Variants in CYP20A1 observed in about 807,000 individuals in gnomAD.
CYP20A1 encodes cytochrome P450 20A1.
A neutral mutation model predicts 61.4 loss-of-function variants in CYP20A1; 61 were observed. That is an observed-to-expected ratio of 0.99 (90% CI 0.81 to 1.23). The LOEUF is 1.23. CYP20A1 is among the 50% of genes most tolerant of loss of function. The pLI, the probability that CYP20A1 is intolerant of heterozygous loss-of-function variation, is 0.00. For missense variants in CYP20A1, 530 were observed against 542.4 expected, an observed-to-expected ratio of 0.98 and a Z score of 0.23; for synonymous variants, 193 against 188.2, an observed-to-expected ratio of 1.03 and a Z score of -0.21.
chr2:203,274,944 C>G (rs1335642173), intron 6 of CYP20A1, among the ~76,000 whole-genome samples: 2 of 152,114 alleles, frequency 1.3e-5, no homozygotes, highest in Non-Finnish European at 2.9e-5. Flanking sequence ...GTTCCTTGGG[C>G]TGTAACATGG....
chr2:203,241,521 C>A lies in CYP20A1; in HGVS notation c.72+2387C>A, dbSNP rs527816488. The stretch of plus-strand genomic sequence containing the variant: ...TAATGGTTGAGGAGAGAAAGAAGAG[C>A]CAGCAAAGGAGACTGAGAAGGAGCA... On this transcript the variant is annotated intron_variant, in intron 1 of 12. Coordinates refer to ENST00000356079, the MANE Select transcript of CYP20A1 (RefSeq NM_177538.3). Among the ~76,000 whole-genome samples, 10 of 152,238 alleles carry A rather than the reference C, an allele frequency of 6.6e-5. No individual in the cohort carries two copies. The South Asian group carries it at 1.0e-3, about 16-fold the overall frequency.
chr2:203,299,870 G>A lies in CYP20A1; in HGVS notation c.*2962G>A, dbSNP rs367649855. Among the ~76,000 whole-genome samples the A allele has an allele frequency of 1.2e-4, 18 of 151,452 alleles. No homozygotes were observed. The highest frequency in any genetic ancestry group is 4.2e-4 in the South Asian group (2 of 4,806). The stretch of plus-strand genomic sequence containing the variant: ...GCCTGGGCAACAAGAGTGAAACTCC[G>A]TCTCAAAAAAAAAAGAAAAATTCTA... On this transcript the variant is annotated 3_prime_UTR_variant, in exon 13 of 13. Transcript: ENST00000356079.
chr2:203,283,696 G>A (rs547137587), intron 8 of CYP20A1, among the ~76,000 whole-genome samples: 16 of 150,892 alleles, frequency 1.1e-4, no homozygotes, highest in Non-Finnish European at 1.8e-4. Context: ...CTAGAGGCGC[G>A]TGCCACCATG....
At position 203,293,214 on chromosome 2, in the gene CYP20A1, C is replaced by CTTTTTTTTTTTTTT. The variant is rs575058733; in HGVS notation, c.1148+889_1148+890insTTTTTTTTTTTTTT. On this transcript the variant is annotated intron_variant, in intron 11 of 12. Transcript: ENST00000356079. ...ATTTTTAAAAAAGCAGAATTTCTCT[C>CTTTTTTTTTTTTTT]TCTTTTTTTTTTTTTTTTTGAGATG... 9.3e-5 allele frequency among the ~76,000 whole-genome samples: 12 copies of CTTTTTTTTTTTTTT among 128,910 alleles called. 6 individuals carry two copies. Among genetic ancestry groups the CTTTTTTTTTTTTTT allele is most frequent in the Non-Finnish European group, 1.6e-4 (10 of 62,470 alleles). The allele number at this position is 128,910 out of a possible 152,430, so 84.6% of individuals were successfully genotyped here. A position where few individuals can be genotyped will look rare whatever the true frequency, so the allele number is the denominator to read the frequency against.
chr2:203,303,874 C>CA lies in CYP20A1; in HGVS notation c.*6986dup, dbSNP rs34951226. On this transcript the variant is annotated 3_prime_UTR_variant, in exon 13 of 13. Coordinates refer to ENST00000356079, the MANE Select transcript of CYP20A1 (RefSeq NM_177538.3). ...CTTAGGCAATAAAACAAGACTGTCTCAAAAAAAAAAAAAAAAAAAACTTAT... is the reference window on the plus strand; with the variant it reads ...CTTAGGCAATAAAACAAGACTGTCTCAAAAAAAAAAAAAAAAAAAAACTTAT... Among the ~76,000 whole-genome samples the CA allele has an allele frequency of 0.039, 3,507 of 89,132 alleles. 62 individuals are homozygous for CA. The highest frequency in any genetic ancestry group is 0.072 in the East Asian group (203 of 2,818). The allele number at this position is 89,132 out of a possible 152,430, so 58.5% of individuals were successfully genotyped here.
In CYP20A1 at chr2:203,301,225, CT is replaced by C. The variant is rs1485099963; in HGVS notation, c.*4324del. On this transcript the variant is annotated 3_prime_UTR_variant, in exon 13 of 13. Transcript: ENST00000356079. ...AAAAAAAAAAACCATACGTACATAA[CT>C]TTTTTTCTTTTTCTTTTCTTTCTTT... Among the ~76,000 whole-genome samples, 3 of 149,074 alleles carry C rather than the reference CT, an allele frequency of 2.0e-5. No individual in the cohort carries two copies. The highest frequency in any genetic ancestry group is 1.3e-4 in the Admixed American group (2 of 14,920).
intron 2 of CYP20A1, among the ~76,000 whole-genome samples, 189 bp downstream of exon 2, chr2:203,246,084 C>T (rs936532117): frequency 6.6e-6 from 1 of 151,858 alleles, no homozygotes; most frequent in Admixed American, 6.6e-5. Flanking sequence ...CCAGCCTAGG[C>T]GACAGAGCCA....
chr2:203,304,875 G>T lies in CYP20A1; in HGVS notation c.*7967G>T, dbSNP rs2069158630. Among the ~76,000 whole-genome samples the T allele has an allele frequency of 6.6e-6, 1 of 152,152 alleles. No individual in the cohort carries two copies. The highest frequency in any genetic ancestry group is 6.5e-5 in the Admixed American group (1 of 15,274). ...TGCTTGAGCCCAGGAGGTAGAGGTTGCAGTGAGCCATGATCATGCCACTGC... is the reference window on the plus strand; with the variant it reads ...TGCTTGAGCCCAGGAGGTAGAGGTTTCAGTGAGCCATGATCATGCCACTGC... On this transcript the variant is annotated 3_prime_UTR_variant, in exon 13 of 13. Transcript: ENST00000356079.
At position 203,296,834 on chromosome 2, in the gene CYP20A1, G is replaced by A; in HGVS notation, c.1315G>A (p.Val439Ile). The A allele has an allele frequency of 1.2e-6, 2 of 1,611,934 alleles. No individual in the cohort carries two copies. Among genetic ancestry groups the A allele is most frequent in the Admixed American group, 1.7e-5 (1 of 59,506 alleles). The change falls in exon 13 of 13, where the codon GTT becomes ATT. Residue 439 changes from valine to isoleucine, a missense_variant. By Grantham distance (29) the Val-to-Ile change is conservative. Coordinates refer to ENST00000356079, the MANE Select transcript of CYP20A1 (RefSeq NM_177538.3). ...RLHLLSVEGQ[V>I]IETKYELVTS... is the part of the protein sequence containing the mutation. ...GCACCTACTTTCTGTGGAGGGACAGGTTATTGAAACAAAGTATGAACTGGT... is the reference window on the plus strand; with the variant it reads ...GCACCTACTTTCTGTGGAGGGACAGATTATTGAAACAAAGTATGAACTGGT...
intron 6 of CYP20A1, among the ~76,000 whole-genome samples, chr2:203,274,415 A>G (rs2067730139): frequency 6.6e-6 from 1 of 151,992 alleles, no homozygotes; most frequent in Non-Finnish European, 1.5e-5. Context: ...TGAACTCCTG[A>G]CCTTGGGTGA....
chr2:203,279,316 C>G (rs1387371099), intron 7 of CYP20A1, among the ~76,000 whole-genome samples: 1 of 152,046 alleles, frequency 6.6e-6, no homozygotes, highest in Non-Finnish European at 1.5e-5. Flanking sequence ...TACTTGGTCT[C>G]TATTATTTAG....
chr2:203,282,008 G>T (rs1375505769), intron 8 of CYP20A1, among the ~76,000 whole-genome samples: 1 of 149,182 alleles, frequency 6.7e-6, no homozygotes, highest in African/African-American at 2.5e-5. Context: ...ATTTAGGTAA[G>T]CATATGTCAA....
In CYP20A1 at chr2:203,246,878, C is replaced by T. The variant is rs1193512133; in HGVS notation, c.246C>T (p.Gly82=). ...WFGRRLVVSL[G]TVDVLKQHIN... is the part of the protein sequence containing the mutation. ...GCAGGCGCCTCGTGGTTAGTTTGGG[C>T]ACTGTTGATGTACTGAAGCAGCATA... The change falls in exon 3 of 13, where the codon GGC becomes GGT. Residue 82 remains glycine, a synonymous_variant. Coordinates refer to ENST00000356079, the MANE Select transcript of CYP20A1 (RefSeq NM_177538.3). 1 of 1,614,090 alleles carries T rather than the reference C, an allele frequency of 6.2e-7. No homozygotes were observed. The highest frequency in any genetic ancestry group is 1.1e-5 in the South Asian group (1 of 91,076).
At chr2:203,264,891 G>A (rs559375236) in intron 4 of CYP20A1, among the ~76,000 whole-genome samples, 2 of 151,762 alleles carry the variant, frequency 1.3e-5, no homozygotes, top group African/African-American at 4.8e-5. Flanking sequence ...CACCACACCC[G>A]GCTAATTTTT....
chr2:203,287,701 T>C (rs540069730), intron 9 of CYP20A1, among the ~76,000 whole-genome samples: 1 of 82,172 alleles, frequency 1.2e-5, no homozygotes, highest in East Asian at 3.7e-4. Context: ...AGAACCTATC[T>C]CTTAAAAATA....
intron 4 of CYP20A1, among the ~76,000 whole-genome samples, chr2:203,253,405 A>G (rs1369072245): frequency 6.6e-6 from 1 of 152,170 alleles, no homozygotes; most frequent in Non-Finnish European, 1.5e-5. Context: ...GAGGCAAAGG[A>G]GACAGTAAGC....
chr2:203,280,261 A>C, intron 8 of CYP20A1, 148 bp downstream of exon 8: 1 of 534,242 alleles, frequency 1.9e-6, no homozygotes, highest in Admixed American at 3.8e-5. Flanking sequence ...GAAAACAGAG[A>C]CCCTCTCTAC....
intron 8 of CYP20A1, 117 bp from the exon 9 acceptor site, chr2:203,285,495 A>T (rs910784082): frequency 3.4e-5 from 40 of 1,169,272 alleles, no homozygotes; most frequent in Non-Finnish European, 4.6e-5. Flanking sequence ...CTTCTATATC[A>T]TGGGAGAAAA....
chr2:203,275,125 G>T (rs189211846), intron 6 of CYP20A1, among the ~76,000 whole-genome samples: 1 of 152,256 alleles, frequency 6.6e-6, no homozygotes, highest in African/African-American at 2.4e-5. Context: ...CCTTATCCTA[G>T]ACCAGTTTAT....
Sources: allele counts gnomAD v4.1 joint callset (sites outside exome capture counted in the v4.1 genomes callset), GRCh38; gene constraint gnomAD v4.1.1; transcripts MANE v1.5; gene names NCBI Gene and HGNC (gene_info 2026-07-23, HGNC 2026-07-21).